EML4: variants seen among roughly 807,000 people sequenced by gnomAD.
EML4 encodes EMAP like 4, also known as echinoderm microtubule-associated protein-like 4.
A neutral mutation model predicts 129.0 loss-of-function variants in EML4; 72 were observed. The observed-to-expected ratio is 0.56, with a 90% CI of 0.46 to 0.68. The LOEUF (loss-of-function observed/expected upper bound fraction) is 0.68, where lower values mean the gene tolerates loss of function less well. Ranked by LOEUF, EML4 falls within the 30% of genes least tolerant of loss-of-function variation. The pLI is 0.00. For missense variants in EML4, 1,363 were observed against 1,190.6 expected, an observed-to-expected ratio of 1.14 and a Z score of -2.13; for synonymous variants, 532 against 405.0, an observed-to-expected ratio of 1.31 and a Z score of -3.77.
At chr2:42,302,994 G>C (rs1013302004) in intron 14 of EML4, 110 bp from the exon 15 acceptor site, 1 of 980,464 alleles carries the variant, frequency 1.0e-6, no homozygotes, top group Non-Finnish European at 1.5e-6. Context: ...ATCCAAATTT[G>C]GGCTTTCGTC....
chr2:42,172,542 A>G lies in EML4; in HGVS notation c.25+2906A>G, dbSNP rs76597081. On this transcript the variant is annotated intron_variant, in intron 1 of 22. Coordinates refer to ENST00000318522, the MANE Select transcript of EML4 (RefSeq NM_019063.5). Reference sequence around the variant, plus strand: ...TTCTTTTAATCTCCGCAGCTGATGAATTTCAGGCAACTTGGCTGGCAGGTG... The same window carrying G: ...TTCTTTTAATCTCCGCAGCTGATGAGTTTCAGGCAACTTGGCTGGCAGGTG... Among the ~76,000 whole-genome samples, 597 of 152,310 alleles carry G rather than the reference A, an allele frequency of 3.9e-3. 2 individuals are homozygous for G. The highest frequency in any genetic ancestry group is 0.013 in the African/African-American group (559 of 41,560).
At position 42,332,058 on chromosome 2, in the gene EML4, G is replaced by A. The variant is rs1670131223; in HGVS notation, c.*1851G>A. The A allele has an allele frequency of 1.3e-5, 3 of 222,322 alleles. No individual in the cohort carries two copies. Among genetic ancestry groups the A allele is most frequent in the African/African-American group, 2.2e-5 (1 of 44,820 alleles). The allele number at this position is 222,322 out of a possible 1,614,324, so 13.8% of individuals were successfully genotyped here. A position where few individuals can be genotyped will look rare whatever the true frequency, so the allele number is the denominator to read the frequency against. ...CAGTAAGTATCAGGCATATATATCT[G>A]TCTGTTAGCAATGATTATTACATCA... On this transcript the variant is annotated 3_prime_UTR_variant, in exon 23 of 23. Transcript: ENST00000318522.
intron 1 of EML4, among the ~76,000 whole-genome samples, chr2:42,220,422 C>T (rs1433905599): frequency 6.6e-6 from 1 of 151,966 alleles, no homozygotes; most frequent in East Asian, 1.9e-4. Flanking sequence ...TGATCCATTA[C>T]CTTTGATGTT....
At chr2:42,186,448 G>A (rs957097275) in intron 1 of EML4, among the ~76,000 whole-genome samples, 1 of 152,106 alleles carries the variant, frequency 6.6e-6, no homozygotes. Context: ...CAACAGATAA[G>A]ATAAAGACAC....
chr2:42,311,569 A>G (rs1037763339), intron 17 of EML4, among the ~76,000 whole-genome samples: 1 of 152,220 alleles, frequency 6.6e-6, no homozygotes, highest in East Asian at 1.9e-4. Flanking sequence ...TAATTTTTAA[A>G]TGCATGAGAG....
At chr2:42,205,884 A>T (rs959173475) in intron 1 of EML4, among the ~76,000 whole-genome samples, 3 of 152,064 alleles carry the variant, frequency 2.0e-5, no homozygotes, top group African/African-American at 4.8e-5. Flanking sequence ...TTATCCACAA[A>T]TATTCTGCCA....
chr2:42,255,796 T>C lies in EML4; in HGVS notation c.209-705T>C, dbSNP rs548901223. The stretch of plus-strand genomic sequence containing the variant: ...GACACAAATGACCTCCAACATCTTA[T>C]TCTTGACAAAAATGCAGTGTTATAC... On this transcript the variant is annotated intron_variant, in intron 2 of 22. Transcript: ENST00000318522. Among the ~76,000 whole-genome samples the C allele has an allele frequency of 7.2e-5, 11 of 152,334 alleles. No individual in the cohort carries two copies. In the South Asian group the frequency reaches 2.1e-3, roughly 29 times the overall value.
intron 6 of EML4, among the ~76,000 whole-genome samples, chr2:42,277,444 C>T (rs1449568724): frequency 1.3e-5 from 2 of 152,164 alleles, no homozygotes; most frequent in Non-Finnish European, 2.9e-5. Flanking sequence ...TGAAGACGTA[C>T]ATCATGTGAT....
chr2:42,236,653 A>T lies in EML4; in HGVS notation c.26-8852A>T, dbSNP rs542738589. On this transcript the variant is annotated intron_variant, in intron 1 of 22. Coordinates refer to ENST00000318522, the MANE Select transcript of EML4 (RefSeq NM_019063.5). ...TTTACAGAAAAGTTTGTTGACTCCT[A>T]CTTTAGGTTAGGGTAACACAGTGGA... Among the ~76,000 whole-genome samples, 3 of 152,264 alleles carry T rather than the reference A, an allele frequency of 2.0e-5. No homozygotes were observed. In the East Asian group the frequency reaches 5.8e-4, roughly 29 times the overall value.
intron 21 of EML4, among the ~76,000 whole-genome samples, chr2:42,327,506 A>T (rs368855642): frequency 6.6e-6 from 1 of 152,118 alleles, no homozygotes; most frequent in Admixed American, 6.5e-5. Flanking sequence ...AGTGTATTTT[A>T]TTATTATTTT....
chr2:42,228,085 G>A (rs1350041723), intron 1 of EML4, among the ~76,000 whole-genome samples: 1 of 152,108 alleles, frequency 6.6e-6, no homozygotes, highest in Non-Finnish European at 1.5e-5. Flanking sequence ...GCTGGACATG[G>A]TGTCACGCAC....
intron 1 of EML4, among the ~76,000 whole-genome samples, chr2:42,226,786 GT>G (rs1351477836): frequency 6.6e-6 from 1 of 152,062 alleles, no homozygotes; most frequent in Non-Finnish European, 1.5e-5. Flanking sequence ...ATGTTAAGTA[GT>G]CTGACTTAGC....
At chr2:42,320,965 AAG>A (rs1042008885) in intron 19 of EML4, among the ~76,000 whole-genome samples, 12 of 152,152 alleles carry the variant, frequency 7.9e-5, no homozygotes, top group African/African-American at 1.9e-4. Flanking sequence ...ACACATCAAA[AAG>A]AGGGGGAAAA....
chr2:42,270,642 C>T (rs980027273), intron 6 of EML4, among the ~76,000 whole-genome samples: 5 of 152,200 alleles, frequency 3.3e-5, no homozygotes, highest in Non-Finnish European at 7.4e-5. Context: ...GTCCTGCTGA[C>T]TCTGTATATT....
At position 42,330,102 on chromosome 2, in the gene EML4, A is replaced by C; in HGVS notation, c.2841A>C (p.Gly947=). The part of the protein sequence containing the change: ...HSEEESEEGS[G]DLGEPLYEEP... ...AGGAGGAGAGTGAAGAGGGCAGCGG[A>C]GACCTTGGTGAGCCTCTTTATGAAG... The change falls in exon 23 of 23, where the codon GGA becomes GGC. Residue 947 remains glycine (G), a synonymous_variant. Transcript: ENST00000318522. 6.2e-7 allele frequency: 1 copy of C among 1,612,846 alleles called. No individual in the cohort carries two copies. Among genetic ancestry groups the C allele is most frequent in the Non-Finnish European group, 8.5e-7 (1 of 1,179,844 alleles).
intron 19 of EML4, among the ~76,000 whole-genome samples, chr2:42,318,308 T>A (rs944172283): frequency 6.6e-6 from 1 of 152,254 alleles, no homozygotes; most frequent in Non-Finnish European, 1.5e-5. Flanking sequence ...GAATTAGTTT[T>A]TAGAAGCATA....
intron 6 of EML4, among the ~76,000 whole-genome samples, chr2:42,267,577 C>A (rs1202466925): frequency 6.6e-6 from 1 of 152,156 alleles, no homozygotes; most frequent in East Asian, 1.9e-4. Flanking sequence ...CCTGAAAGGC[C>A]TGTGTCCTTC....
chr2:42,240,880 C>G (rs887182638), intron 1 of EML4, among the ~76,000 whole-genome samples: 3 of 152,108 alleles, frequency 2.0e-5, no homozygotes, highest in African/African-American at 7.2e-5. Flanking sequence ...GTGGCTCACA[C>G]CTGTAATCCC....
chr2:42,222,313 A>G (rs554789550), intron 1 of EML4, among the ~76,000 whole-genome samples: 1 of 152,258 alleles, frequency 6.6e-6, no homozygotes, highest in African/African-American at 2.4e-5. Context: ...AAACTTTAGC[A>G]CTTTATGGCA....
Sources: gnomAD v4.1 joint callset for allele counts (sites outside exome capture counted in the v4.1 genomes callset) on GRCh38, gnomAD v4.1.1 for gene constraint, MANE v1.5 for transcripts, NCBI Gene and HGNC (gene_info 2026-07-23, HGNC 2026-07-21) for gene names.